The following PARD3B variants were observed in gnomAD, a reference collection of about 807,000 sequenced individuals.
PARD3B encodes partitioning defective 3 homolog B.
A neutral mutation model predicts 130.2 loss-of-function variants in PARD3B; 103 were observed. The observed-to-expected ratio is 0.79, with a 90% CI of 0.67 to 0.93. The LOEUF (loss-of-function observed/expected upper bound fraction) is 0.93, where lower values mean the gene tolerates loss of function less well. Ranked by LOEUF, PARD3B falls within the 40% of genes least tolerant of loss-of-function variation. The pLI is 0.00. For synonymous variants in PARD3B, 583 were observed against 553.2 expected (o/e 1.05, Z -0.76); for missense variants, 1,609 against 1,499.2 (o/e 1.07, Z -1.21).
intron 2 of PARD3B, among the ~76,000 whole-genome samples, chr2:204,939,486 C>T (rs993488210): frequency 1.3e-5 from 2 of 152,144 alleles, no homozygotes; most frequent in African/African-American, 4.8e-5. Context: ...TTATTCATGT[C>T]TGTGCTTCAA....
At chr2:204,790,864 G>A (rs1471402999) in intron 2 of PARD3B, among the ~76,000 whole-genome samples, 1 of 152,168 alleles carries the variant, frequency 6.6e-6, no homozygotes, top group Non-Finnish European at 1.5e-5. Flanking sequence ...CAGCCCTTTG[G>A]GAGGCTGAGG....
intron 2 of PARD3B, among the ~76,000 whole-genome samples, chr2:204,938,370 C>G (rs114313742): frequency 6.6e-6 from 1 of 152,190 alleles, no homozygotes; most frequent in Non-Finnish European, 1.5e-5. Flanking sequence ...GCCCTAAAGC[C>G]TCAGCACATG....
intron 15 of PARD3B, among the ~76,000 whole-genome samples, chr2:205,224,783 AT>A (rs555402187): frequency 4.0e-5 from 6 of 151,174 alleles, no homozygotes; most frequent in South Asian, 4.2e-4. Flanking sequence ...ATAGTACCTG[AT>A]TTTTTTTTCT....
chr2:204,810,032 C>T (rs573834647), intron 2 of PARD3B, among the ~76,000 whole-genome samples: 4 of 151,778 alleles, frequency 2.6e-5, no homozygotes, highest in South Asian at 2.1e-4. Context: ...TGATTTGGCT[C>T]GTGGCTTGGC....
At chr2:205,134,007 G>C (rs1018245870) in intron 10 of PARD3B, among the ~76,000 whole-genome samples, 11 of 152,064 alleles carry the variant, frequency 7.2e-5, no homozygotes, top group Non-Finnish European at 1.3e-4. Flanking sequence ...ACCTCTATTG[G>C]AGGCTTTAGG....
At position 205,132,664 on chromosome 2, in the gene PARD3B, A is replaced by T. The variant is rs114684916; in HGVS notation, c.1434+6927A>T. On this transcript the variant is annotated intron_variant, in intron 10 of 22. Coordinates refer to ENST00000406610, the MANE Select transcript of PARD3B (RefSeq NM_001302769.2). ...ATTTCTCCAATAGACCTTAAGAACT[A>T]TAAAGAAATAGTCCTTAAGATGCCA... is the stretch of plus-strand genomic sequence containing the variant. Among the ~76,000 whole-genome samples the T allele has an allele frequency of 3.6e-3, 545 of 152,322 alleles. 4 individuals are homozygous for T. Among genetic ancestry groups the T allele is most frequent in the African/African-American group, 0.012 (506 of 41,576 alleles).
At position 205,440,804 on chromosome 2, in the gene PARD3B, C is replaced by A; in HGVS notation, c.3044+132C>A. Reference sequence around the variant, plus strand: ...AACGAGTCAGTACCCTAGACAAGTGCCATCCTTTGACCGACCTGTAAGATA... The same window carrying A: ...AACGAGTCAGTACCCTAGACAAGTGACATCCTTTGACCGACCTGTAAGATA... On this transcript the variant is annotated intron_variant, in intron 20 of 22. Transcript: ENST00000406610. This position sits in a 1 kb window ranked among gnomAD's most constrained non-coding sequence, Gnocchi z 4.2. 3.1e-6 allele frequency: 3 copies of A among 954,058 alleles called. No individual in the cohort carries two copies. Among genetic ancestry groups the A allele is most frequent in the Non-Finnish European group, 4.6e-6 (3 of 652,866 alleles). 59.1% of individuals were successfully genotyped at this position (954,058 alleles called of 1,614,324 possible). A position where few individuals can be genotyped will look rare whatever the true frequency, so the allele number is the denominator to read the frequency against.
chr2:205,428,287 G>A (rs1164204609), intron 19 of PARD3B, among the ~76,000 whole-genome samples: 3 of 152,218 alleles, frequency 2.0e-5, no homozygotes, highest in African/African-American at 4.8e-5. Context: ...GGCTGAGATG[G>A]GAGGATTGCT....
intron 2 of PARD3B, among the ~76,000 whole-genome samples, chr2:204,836,605 G>A (rs1355988811): frequency 6.6e-6 from 1 of 152,178 alleles, no homozygotes; most frequent in Non-Finnish European, 1.5e-5. Flanking sequence ...GGAAGTTGGT[G>A]CGCCAAGATC....
chr2:204,773,932 G>C (rs1338084351), intron 2 of PARD3B, among the ~76,000 whole-genome samples: 2 of 151,982 alleles, frequency 1.3e-5, no homozygotes, highest in Non-Finnish European at 2.9e-5. Context: ...GCTTGTCATG[G>C]GTGTCGACCC....
At chr2:205,363,091 C>T (rs531422714) in intron 18 of PARD3B, among the ~76,000 whole-genome samples, 25 of 152,228 alleles carry the variant, frequency 1.6e-4, no homozygotes, top group African/African-American at 6.0e-4. Context: ...CAGCAGGGCA[C>T]TGGAGGGCGG....
intron 16 of PARD3B, among the ~76,000 whole-genome samples, chr2:205,261,484 C>CA (rs1373579118): frequency 6.6e-6 from 1 of 152,080 alleles, no homozygotes; most frequent in African/African-American, 2.4e-5. Context: ...TGAAGCCAGA[C>CA]ATGGTTTTAT....
In PARD3B at chr2:204,947,970, AT is replaced by A. The variant is rs557363145; in HGVS notation, c.223-17181del. On this transcript the variant is annotated intron_variant, in intron 2 of 22. Coordinates refer to ENST00000406610, the MANE Select transcript of PARD3B (RefSeq NM_001302769.2). ...TGATGTAATGTGACCAGATTTTTTC[AT>A]AATTAAGTATCAGGTCTCTACAGGT... Among the ~76,000 whole-genome samples the A allele has an allele frequency of 5.8e-4, 89 of 152,304 alleles. No individual in the cohort carries two copies. The South Asian group carries it at 0.018, about 30-fold the overall frequency.
intron 4 of PARD3B, among the ~76,000 whole-genome samples, chr2:205,098,217 T>G (rs1480581766): frequency 6.6e-6 from 1 of 152,178 alleles, no homozygotes; most frequent in Non-Finnish European, 1.5e-5. Flanking sequence ...CATTCTAACA[T>G]TCATGTGTAT....
chr2:205,214,893 T>C (rs2037832000), intron 15 of PARD3B, among the ~76,000 whole-genome samples: 1 of 152,094 alleles, frequency 6.6e-6, no homozygotes, highest in Non-Finnish European at 1.5e-5. Flanking sequence ...GTGACCAAGC[T>C]ATAATTTAGA....
At chr2:204,841,186 G>C (rs1281747665) in intron 2 of PARD3B, among the ~76,000 whole-genome samples, 1 of 152,016 alleles carries the variant, frequency 6.6e-6, no homozygotes, top group Non-Finnish European at 1.5e-5. Flanking sequence ...ACTTGGTAAG[G>C]CTCCCTCCTT....
At chr2:204,550,682 A>G (rs1325950594) in intron 1 of PARD3B, among the ~76,000 whole-genome samples, 1 of 152,224 alleles carries the variant, frequency 6.6e-6, no homozygotes, top group African/African-American at 2.4e-5. Context: ...TTCTGTATTC[A>G]GATATTTTGA....
chr2:204,801,364 T>C lies in PARD3B; in HGVS notation c.222+115082T>C, dbSNP rs553661087. On this transcript the variant is annotated intron_variant, in intron 2 of 22. Coordinates refer to ENST00000406610, the MANE Select transcript of PARD3B (RefSeq NM_001302769.2). ...TTCATGAGCATGGAATGTTTTTCCA[T>C]TTACTTGTGTCCTCTCTTATTTCCT... 2.0e-5 allele frequency among the ~76,000 whole-genome samples: 3 copies of C among 152,366 alleles called. No individual in the cohort carries two copies. The South Asian group carries it at 6.2e-4, about 32-fold the overall frequency.
intron 13 of PARD3B, among the ~76,000 whole-genome samples, chr2:205,181,995 A>T (rs2035814625): frequency 6.6e-6 from 1 of 152,226 alleles, no homozygotes; most frequent in African/African-American, 2.4e-5. Context: ...TATGTTGTTT[A>T]AAAAATGTAA....
Sources: gnomAD v4.1 joint callset for allele counts (sites outside exome capture counted in the v4.1 genomes callset) on GRCh38, gnomAD v4.1.1 for gene constraint, Gnocchi (gnomAD v3.1) non-coding constraint, MANE v1.5 for transcripts, NCBI Gene and HGNC (gene_info 2026-07-23, HGNC 2026-07-21) for gene names.